HDX: variants seen among roughly 807,000 people sequenced by gnomAD.
HDX encodes chromosome X open reading frame 43.
HDX carries 19 observed loss-of-function variants against 45.2 expected under a neutral mutation model. That is an observed-to-expected ratio of 0.42 (90% confidence interval 0.29 to 0.62). HDX has a LOEUF of 0.62. HDX is among the 20% of genes least tolerant of loss of function. The pLI, the probability that HDX is intolerant of heterozygous loss-of-function variation, is 0.20. For synonymous variants in HDX, 188 were observed against 172.8 expected (o/e 1.09, Z -0.69); for missense variants, 532 against 493.9 (o/e 1.08, Z -0.73).
intron 5 of HDX, among the ~76,000 whole-genome samples, chrX:84,376,358 A>G (rs1488430885): frequency 8.1e-5 from 9 of 111,713 alleles, no homozygotes; most frequent in Admixed American, 6.7e-4. Flanking sequence ...AAAGCAGAGG[A>G]AAAAATAAAG....
chrX:84,375,020 T>C (rs1602339522), intron 5 of HDX, among the ~76,000 whole-genome samples: 1 of 105,649 alleles, frequency 9.5e-6, no homozygotes, highest in South Asian at 4.3e-4. Flanking sequence ...ATATCCAGAA[T>C]CTACAATGAA....
At chrX:84,349,401 A>ATGTGTG (rs1266038229) in intron 6 of HDX, among the ~76,000 whole-genome samples, 8 of 88,134 alleles carry the variant, frequency 9.1e-5, no homozygotes, top group African/African-American at 1.7e-4. Flanking sequence ...TTATATATAT[A>ATGTGTG]TATGTGTGTG....
chrX:84,438,963 T>A (rs1468808070), intron 5 of HDX, among the ~76,000 whole-genome samples: 4 of 112,259 alleles, frequency 3.6e-5, no homozygotes, highest in Non-Finnish European at 7.5e-5. Flanking sequence ...ATCTCCAAGC[T>A]GCTTTCCACA....
intron 5 of HDX, among the ~76,000 whole-genome samples, chrX:84,425,197 CAG>C (rs1446156334): frequency 1.8e-5 from 2 of 111,477 alleles, no homozygotes; most frequent in Non-Finnish European, 3.8e-5. Context: ...ATAAAAATGA[CAG>C]AGATATATGA....
chrX:84,414,131 C>T (rs2039050120), intron 5 of HDX, among the ~76,000 whole-genome samples: 1 of 111,415 alleles, frequency 9.0e-6, no homozygotes, highest in African/African-American at 3.3e-5. Flanking sequence ...CTAGTGAAGT[C>T]CAATCAGTGT....
At chrX:84,408,499 G>GTTTTTTTTTTTTTTTTTTTTTTTTT (rs1220751208) in intron 5 of HDX, among the ~76,000 whole-genome samples, 2 of 44,446 alleles carry the variant, frequency 4.5e-5, no homozygotes, top group African/African-American at 1.9e-4. Flanking sequence ...CTCCAGCTTT[G>GTTTTTTTTTTTTTTTTTTTTTTTTT]TTTTTTTTTT....
chrX:84,438,593 G>A (rs1209008811), intron 5 of HDX, among the ~76,000 whole-genome samples: 1 of 106,832 alleles, frequency 9.4e-6, no homozygotes, highest in African/African-American at 3.4e-5. Context: ...TTATCTTTGT[G>A]ATCATGTGTA....
At chrX:84,348,022 C>A (rs2037245110) in intron 6 of HDX, among the ~76,000 whole-genome samples, 1 of 110,946 alleles carries the variant, frequency 9.0e-6, no homozygotes, top group Non-Finnish European at 1.9e-5. Context: ...AGGGAAAATT[C>A]TCAGTTATTA....
chrX:84,343,138 TG>T (rs2037123497), intron 7 of HDX, among the ~76,000 whole-genome samples: 1 of 110,925 alleles, frequency 9.0e-6, no homozygotes, highest in African/African-American at 3.3e-5. Flanking sequence ...TGACTGCAAA[TG>T]GGCTCAAGGG....
At chrX:84,444,153 A>T (rs2039822483) in intron 4 of HDX, among the ~76,000 whole-genome samples, 1 of 111,158 alleles carries the variant, frequency 9.0e-6, no homozygotes, top group African/African-American at 3.3e-5. Context: ...GAAAAAAAAG[A>T]ATGGCATGAG....
intron 5 of HDX, among the ~76,000 whole-genome samples, chrX:84,430,015 A>G (rs1489514937): frequency 2.0e-5 from 2 of 101,629 alleles, no homozygotes; most frequent in East Asian, 6.0e-4. Context: ...TTTATCACTT[A>G]TTTGTTTTGG....
intron 5 of HDX, among the ~76,000 whole-genome samples, chrX:84,437,090 A>G (rs993681019): frequency 9.0e-6 from 1 of 111,249 alleles, no homozygotes; most frequent in Non-Finnish European, 1.9e-5. Flanking sequence ...AGAGATATGC[A>G]TAGAATGAAA....
At chrX:84,402,159 A>G (rs1298460467) in intron 5 of HDX, among the ~76,000 whole-genome samples, 1 of 111,618 alleles carries the variant, frequency 9.0e-6, no homozygotes, top group African/African-American at 3.3e-5. Context: ...ATGTATACCT[A>G]TGTAACAAAC....
chrX:84,450,335 C>G (rs774378798), intron 4 of HDX, among the ~76,000 whole-genome samples: 2 of 110,663 alleles, frequency 1.8e-5, no homozygotes, highest in East Asian at 5.7e-4. Context: ...TATAGACTGA[C>G]AGTAAAGGGA....
chrX:84,463,622 G>A (rs926534802), intron 4 of HDX, among the ~76,000 whole-genome samples: 8 of 110,850 alleles, frequency 7.2e-5, no homozygotes, highest in South Asian at 7.6e-4. Context: ...TATTTATGGC[G>A]CCTTTCTTCC....
intron 1 of HDX, among the ~76,000 whole-genome samples, chrX:84,499,125 C>T (rs182347733): frequency 9.9e-4 from 111 of 111,796 alleles, no homozygotes; most frequent in African/African-American, 3.5e-3. Flanking sequence ...AAGTTTTTAG[C>T]ACAATGCCTG....
chrX:84,351,885 T>C (rs1014143502), intron 6 of HDX, among the ~76,000 whole-genome samples: 1 of 112,126 alleles, frequency 8.9e-6, no homozygotes, highest in African/African-American at 3.2e-5. Flanking sequence ...CTGAAACCAG[T>C]TTTATTCCCA....
At chrX:84,495,990 G>T (rs1569380322) in intron 1 of HDX, among the ~76,000 whole-genome samples, 1 of 111,763 alleles carries the variant, frequency 8.9e-6, no homozygotes, top group East Asian at 2.8e-4. Flanking sequence ...GGATGTTGGT[G>T]ACAGTGAACC....
intron 4 of HDX, among the ~76,000 whole-genome samples, chrX:84,454,856 A>G (rs2040078260): frequency 9.0e-6 from 1 of 110,985 alleles, no homozygotes; most frequent in African/African-American, 3.3e-5. Flanking sequence ...CCCCAGTTCC[A>G]GGCGGCTCAG....
Sources: allele counts gnomAD v4.1 joint callset (sites outside exome capture counted in the v4.1 genomes callset), GRCh38; gene constraint gnomAD v4.1.1; transcripts MANE v1.5; gene names NCBI Gene and HGNC (gene_info 2026-07-23, HGNC 2026-07-21).